Variants in PLXNB3 observed in about 807,000 individuals in gnomAD.
The protein encoded by PLXNB3 is plexin B3.
In PLXNB3, 80 loss-of-function variants were observed where a neutral mutation model predicts 125.7. The ratio of observed to expected loss-of-function variants is 0.64; its 90% CI spans 0.53 to 0.77. The LOEUF (loss-of-function observed/expected upper bound fraction) is 0.77, where lower values mean the gene tolerates loss of function less well. PLXNB3 is among the 30% of genes least tolerant of loss of function. The pLI is 0.00. For synonymous variants in PLXNB3, 954 were observed against 783.3 expected (o/e 1.22, Z -3.64); for missense variants, 1,836 against 1,729.3 (o/e 1.06, Z -1.09).
Position 153,773,639 on chromosome X carries a change from C to A in PLXNB3, c.3205C>A (p.Gln1069Lys). The change falls in exon 19 of 36, where the codon CAG becomes AAG. Residue 1069 changes from glutamine to lysine, a missense_variant. By Grantham distance (53) the Gln-to-Lys change is moderately conservative. Coordinates refer to ENST00000361971, the MANE Select transcript of PLXNB3 (RefSeq NM_005393.3). ...TTCCAGGGCCCAGCCCCAGGACCCA[C>A]AGCCAAGGAGGAGCTGTGGAGCCCC... The part of the protein sequence containing the change: ...QASRAQPQDP[Q>K]PRRSCGAPAA... The A allele has an allele frequency of 8.3e-7, 1 of 1,198,598 alleles. No homozygotes were observed. Among genetic ancestry groups the A allele is most frequent in the Non-Finnish European group, 1.1e-6 (1 of 889,651 alleles).
chrX:153,765,638 G>A (rs925018018), intron 2 of PLXNB3, 58 bp downstream of exon 2: 34 of 1,167,344 alleles, frequency 2.9e-5, no homozygotes, highest in Admixed American at 5.1e-5. Flanking sequence ...GGGTAGGGCA[G>A]GATGGCTGTG....
intron 32 of PLXNB3, 24 bp downstream of exon 32, chrX:153,778,119 A>T (rs371467161): frequency 2.8e-5 from 34 of 1,207,861 alleles, no homozygotes; most frequent in Non-Finnish European, 3.8e-5. Context: ...CAGCAGCAGC[A>T]GCTGGCAGGG....
chrX:153,770,467 C>T lies in PLXNB3; in HGVS notation c.1895+21C>T, dbSNP rs186491647. On this transcript the variant is annotated intron_variant, in intron 9 of 35. Transcript: ENST00000361971. The stretch of plus-strand genomic sequence containing the variant: ...GCCCCGTGAGTCCCTGGGCCTGCCT[C>T]CTGGGGTAGGGGTGGCGACCCCAGA... 5,223 of 1,200,642 alleles carry T rather than the reference C, an allele frequency of 4.4e-3. 31 individuals carry two copies. The highest frequency in any genetic ancestry group is 0.027 in the South Asian group (1,539 of 56,252).
chrX:153,769,330 G>A (rs1322986365), intron 6 of PLXNB3, 68 bp downstream of exon 6: 2 of 928,427 alleles, frequency 2.2e-6, no homozygotes, highest in Non-Finnish European at 3.0e-6. Context: ...GCCCCTGGAA[G>A]TAGCCCTAGG....
At position 153,774,502 on chromosome X, in the gene PLXNB3, C is replaced by A. The variant is rs782718397; in HGVS notation, c.3761C>A (p.Ala1254Asp). 8.3e-7 allele frequency: 1 copy of A among 1,207,720 alleles called. No homozygotes were observed. Among genetic ancestry groups the A allele is most frequent in the African/African-American group, 1.7e-5 (1 of 58,002 alleles). ...EPPLSAFPVEAQAGVGMGAAV... is the reference protein window; with the variant it reads ...EPPLSAFPVEDQAGVGMGAAV... ...CCGCTGTCTGCCTTTCCCGTGGAGG[C>A]CCAGGCAGGCGTGGGCATGGGTGCT... The change falls in exon 22 of 36, where the codon GCC (alanine) becomes GAC (aspartate). Residue 1254 changes from alanine (A) to aspartate (D), a missense_variant. Coordinates refer to ENST00000361971, the MANE Select transcript of PLXNB3 (RefSeq NM_005393.3).
intron 3 of PLXNB3, 42 bp downstream of exon 3, chrX:153,767,955 T>C: frequency 9.4e-6 from 10 of 1,069,465 alleles, no homozygotes; most frequent in Non-Finnish European, 1.2e-5. Context: ...TGTGGATGGC[T>C]GGCATCTTTC....
chrX:153,776,193 T>TAGA lies in PLXNB3; in HGVS notation c.4708_4709insAGA (p.Ser1570delinsTer). The TAGA allele has an allele frequency of 1.7e-6, 2 of 1,184,057 alleles. No homozygotes were observed. Among genetic ancestry groups the TAGA allele is most frequent in the Non-Finnish European group, 2.3e-6 (2 of 881,069 alleles). Reference sequence around the variant, plus strand: ...GGGCACCCCCTTCTCCCAGAGGCCCTCAGTGCATGCCCTAGACCTTGGTGA... The same window carrying TAGA: ...GGGCACCCCCTTCTCCCAGAGGCCCTAGACAGTGCATGCCCTAGACCTTGGTGA... On this transcript the variant is annotated stop_gained, in exon 27 of 36. Coordinates refer to ENST00000361971, the MANE Select transcript of PLXNB3 (RefSeq NM_005393.3). LOFTEE classifies it high-confidence loss of function.
chrX:153,772,315 G>A (rs374188333), intron 16 of PLXNB3, 28 bp downstream of exon 16: 31 of 1,061,890 alleles, frequency 2.9e-5, no homozygotes, highest in South Asian at 6.0e-5. Flanking sequence ...TGTGCCCTAC[G>A]CAGGGGAGGG....
In PLXNB3 at chrX:153,774,328, G is replaced by A; in HGVS notation, c.3662G>A (p.Gly1221Asp). The change falls in exon 21 of 36, where the codon GGC becomes GAC. Residue 1221 changes from glycine (G) to aspartate (D), a missense_variant. Physicochemically the swap from Gly to Asp is moderately conservative, Grantham distance 94. Transcript: ENST00000361971. ...GCCCCGCAGCCTGCCAATGGCTCCGGCCTGCCACAGTTCGTGGTGAGTCCG... is the reference window on the plus strand; with the variant it reads ...GCCCCGCAGCCTGCCAATGGCTCCGACCTGCCACAGTTCGTGGTGAGTCCG... ...AHAPQPANGS[G>D]LPQFVVQMGN... 8.6e-7 allele frequency: 1 copy of A among 1,159,943 alleles called. No individual in the cohort carries two copies. The highest frequency in any genetic ancestry group is 1.1e-6 in the Non-Finnish European group (1 of 870,712).
rs139989610 is a variant in PLXNB3 at position 153,773,257 on chromosome X, C to G, written c.2934C>G (p.Ile978Met). Reference protein sequence around the residue: ...PILEPVCPEAIVCRTRPQAAP... With the variant: ...PILEPVCPEAMVCRTRPQAAP... ...TGGAGCCAGTGTGTCCGGAGGCCAT[C>G]GTGTGCCGTACCAGGCCCCAGGCTG... is the stretch of plus-strand genomic sequence containing the variant. Residue 978 changes from isoleucine (I) to methionine (M), a missense_variant, in exon 18 of 36, where the codon ATC (isoleucine) becomes ATG (methionine). Coordinates refer to ENST00000361971, the MANE Select transcript of PLXNB3 (RefSeq NM_005393.3). 7.6e-5 allele frequency: 92 copies of G among 1,208,074 alleles called. No individual in the cohort carries two copies. The highest frequency in any genetic ancestry group is 1.0e-4 in the Non-Finnish European group (89 of 894,217).
chrX:153,773,778 G>A, intron 19 of PLXNB3, 65 bp downstream of exon 19: 3 of 1,191,373 alleles, frequency 2.5e-6, no homozygotes, highest in East Asian at 3.0e-5. Context: ...TGGGGAGGAG[G>A]AGGGTAGGCC....
intron 17 of PLXNB3, 54 bp from the exon 18 acceptor site, chrX:153,773,176 T>A: frequency 8.8e-7 from 1 of 1,137,508 alleles, no homozygotes; most frequent in Non-Finnish European, 1.2e-6. Context: ...GGGCCAGGGC[T>A]GGGGTAGAGG....
In PLXNB3 at chrX:153,773,030, T is replaced by C. The variant is rs1557062557; in HGVS notation, c.2906+14T>C. On this transcript the variant is annotated intron_variant, in intron 17 of 35. Transcript: ENST00000361971. ...ACCCTGTCCCATGTGAGTCCCGGCC[T>C]GGCTGCCGTCGGGTGGTGGGCACTC... is the stretch of plus-strand genomic sequence containing the variant. The C allele has an allele frequency of 8.6e-7, 1 of 1,160,121 alleles. No homozygotes were observed.
At chrX:153,770,044 C>A in intron 7 of PLXNB3, 48 bp from the exon 8 acceptor site, 1 of 1,199,847 alleles carries the variant, frequency 8.3e-7, no homozygotes, top group Non-Finnish European at 1.1e-6. Flanking sequence ...GCCTCTGCTG[C>A]CCCCTCTCTC....
chrX:153,771,469 T>C lies in PLXNB3; in HGVS notation c.2348-17T>C, dbSNP rs556920826. ...GGCAGACAGGAGGCGCTCAGCACAC[T>C]GCCTGACCCTCCCTAGTGATCCTGT... On this transcript the variant is annotated splice_polypyrimidine_tract_variant and intron_variant, in intron 13 of 35. Coordinates refer to ENST00000361971, the MANE Select transcript of PLXNB3 (RefSeq NM_005393.3). 2 of 1,206,414 alleles carry C rather than the reference T, an allele frequency of 1.7e-6. No individual in the cohort carries two copies. The highest frequency in any genetic ancestry group is 2.2e-5 in the Admixed American group (1 of 45,783).
chrX:153,775,295 C>G lies in PLXNB3; in HGVS notation c.4226C>G (p.Ser1409Trp). Residue 1409 changes from serine (S) to tryptophan (W), a missense_variant, in exon 25 of 36, where the codon TCG becomes TGG. Ser to Trp is a radical substitution (Grantham distance 177). Transcript: ENST00000361971. Reference sequence around the variant, plus strand: ...CGCTGCCATGTGGCTTCGCTGCTGTCGCTAGCGCTACACGGCAAGCTGGAG... The same window carrying G: ...CGCTGCCATGTGGCTTCGCTGCTGTGGCTAGCGCTACACGGCAAGCTGGAG... The part of the protein sequence containing the change: ...RDRCHVASLL[S>W]LALHGKLEYL... 1 of 1,208,666 alleles carries G rather than the reference C, an allele frequency of 8.3e-7. No homozygotes were observed.
intron 2 of PLXNB3, chrX:153,766,668 ACTGT>A: frequency 2.7e-6 from 2 of 747,353 alleles, no homozygotes; most frequent in East Asian, 1.5e-4. Flanking sequence ...GCTCTTGGAC[ACTGT>A]CTTTGTCCCT....
chrX:153,765,074 G>A (rs782581559), intron 1 of PLXNB3, among the ~76,000 whole-genome samples: 3 of 113,205 alleles, frequency 2.7e-5, no homozygotes, highest in East Asian at 2.8e-4. Flanking sequence ...GGTCCACCCC[G>A]TGCCCTTCAC....
At position 153,770,703 on chromosome X, in the gene PLXNB3, C is replaced by T. The variant is rs183330902; in HGVS notation, c.2011-55C>T. The T allele has an allele frequency of 2.8e-4, 338 of 1,205,563 alleles. 2 individuals carry two copies. The African/African-American group carries it at 4.4e-3, about 16-fold the overall frequency. ...GTCCCTTCTCCACCCTTCCCAGACC[C>T]GCCCAGCAGTAGGCCCTTTGAGTTC... On this transcript the variant is annotated intron_variant, in intron 10 of 35. Coordinates refer to ENST00000361971, the MANE Select transcript of PLXNB3 (RefSeq NM_005393.3).
Sources: allele counts gnomAD v4.1 joint callset (sites outside exome capture counted in the v4.1 genomes callset), GRCh38; gene constraint gnomAD v4.1.1; transcripts MANE v1.5; gene names NCBI Gene and HGNC (gene_info 2026-07-23, HGNC 2026-07-21).